The following TCF7L2 variants were observed in gnomAD, a reference collection of about 807,000 sequenced individuals.
The protein encoded by TCF7L2 is transcription factor 7 like 2.
In TCF7L2, 23 loss-of-function variants were observed where a neutral mutation model predicts 77.9. That is an observed-to-expected ratio of 0.30 (90% CI 0.21 to 0.42). TCF7L2 has a LOEUF of 0.42. Ranked by LOEUF, TCF7L2 falls within the 10% of genes least tolerant of loss-of-function variation. TCF7L2 has a pLI of 1.00. For missense variants in TCF7L2, 654 were observed against 793.1 expected (o/e 0.82, Z 2.11); for synonymous variants, 413 against 340.2 (o/e 1.21, Z -2.36).
intron 5 of TCF7L2, among the ~76,000 whole-genome samples, chr10:113,093,107 T>C (rs1162174153): frequency 6.6e-6 from 1 of 152,216 alleles, no homozygotes; most frequent in Non-Finnish European, 1.5e-5. Flanking sequence ...TCTGCTCCAC[T>C]GGGTACCTAC....
In TCF7L2 at chr10:112,950,293, TC is replaced by T. The variant is rs1224481444; in HGVS notation, c.-459del. ...ACTACTCCGTTCCTCCGGATTTCGA[TC>T]CCCCTTTTTCTATCTGTCAATCAGC... On this transcript the variant is annotated 5_prime_UTR_variant, in exon 1 of 14. Coordinates refer to ENST00000627217, the MANE Select transcript of TCF7L2 (RefSeq NM_001146274.2). The T allele has an allele frequency of 4.4e-6, 1 of 226,816 alleles. No individual in the cohort carries two copies. Among genetic ancestry groups the T allele is most frequent in the African/African-American group, 2.3e-5 (1 of 44,156 alleles). 14.1% of individuals were successfully genotyped at this position (226,816 alleles called of 1,614,324 possible). A position where few individuals can be genotyped will look rare whatever the true frequency, so the allele number is the denominator to read the frequency against.
At chr10:112,969,104 T>C (rs2037667935) in intron 4 of TCF7L2, among the ~76,000 whole-genome samples, 1 of 152,168 alleles carries the variant, frequency 6.6e-6, no homozygotes, top group African/African-American at 2.4e-5. Context: ...TCCCCAGAAG[T>C]CTACCTTGTT....
At chr10:113,086,356 A>G (rs576126575) in intron 5 of TCF7L2, among the ~76,000 whole-genome samples, 7 of 152,344 alleles carry the variant, frequency 4.6e-5, no homozygotes, top group African/African-American at 1.7e-4. Context: ...GCATGGTTGC[A>G]TCCAGGGGCC....
chr10:113,059,751 G>T (rs1023859864), intron 5 of TCF7L2, among the ~76,000 whole-genome samples: 1 of 152,134 alleles, frequency 6.6e-6, no homozygotes, highest in South Asian at 2.1e-4. Context: ...CCCAAAGCTG[G>T]CTCGGAAATT....
At chr10:113,134,757 G>T (rs986679621) in intron 5 of TCF7L2, among the ~76,000 whole-genome samples, 1 of 152,220 alleles carries the variant, frequency 6.6e-6, no homozygotes, top group Non-Finnish European at 1.5e-5. Context: ...GGAGTGAATG[G>T]TGTCCCTTCC....
At chr10:112,990,552 C>T (rs1478400389) in intron 4 of TCF7L2, among the ~76,000 whole-genome samples, 1 of 151,776 alleles carries the variant, frequency 6.6e-6, no homozygotes, top group Non-Finnish European at 1.5e-5. Context: ...ACAAACAAAA[C>T]AAAATCTAGC....
At chr10:112,980,589 T>C (rs561669686) in intron 4 of TCF7L2, among the ~76,000 whole-genome samples, 1 of 152,024 alleles carries the variant, frequency 6.6e-6, no homozygotes, top group African/African-American at 2.4e-5. Context: ...TGGTCTTAAG[T>C]CACTAGTTTT....
chr10:113,117,382 T>C (rs989455447), intron 5 of TCF7L2, among the ~76,000 whole-genome samples: 2 of 24,918 alleles, frequency 8.0e-5, no homozygotes, highest in African/African-American at 2.7e-4. Flanking sequence ...TCTCTCTCTC[T>C]CTCTCTCTCT....
rs530723966 is a variant in TCF7L2, at chr10:112,951,230, C to A, written c.213C>A (p.Arg71=). Residue 71 remains arginine (R), a synonymous_variant, in exon 2 of 14, where the codon CGC becomes CGA. Transcript: ENST00000627217. Reference sequence around the variant, plus strand: ...AGGCGGAAAGACGGCCTCCGCCTCGCTCCGAAAGTTTCCGAGACAAATCCC... The same window carrying A: ...AGGCGGAAAGACGGCCTCCGCCTCGATCCGAAAGTTTCCGAGACAAATCCC... The A allele has an allele frequency of 7.0e-6, 11 of 1,580,736 alleles. No homozygotes were observed. The highest frequency in any genetic ancestry group is 6.8e-5 in the South Asian group (6 of 87,738).
intron 4 of TCF7L2, among the ~76,000 whole-genome samples, chr10:112,974,860 G>A (rs2039069729): frequency 6.6e-6 from 1 of 152,142 alleles, no homozygotes; most frequent in South Asian, 2.1e-4. Context: ...TTCTAAATGG[G>A]TTGTGACCAA....
intron 5 of TCF7L2, among the ~76,000 whole-genome samples, chr10:113,121,971 A>G (rs1205836999): frequency 1.3e-5 from 2 of 152,242 alleles, no homozygotes; most frequent in Non-Finnish European, 2.9e-5. Context: ...AACAACAGTA[A>G]CACAATCATT....
intron 4 of TCF7L2, among the ~76,000 whole-genome samples, chr10:112,995,383 GGTT>G (rs1477785371): frequency 6.6e-6 from 1 of 152,196 alleles, no homozygotes; most frequent in African/African-American, 2.4e-5. Context: ...TTCGTTGCTT[GGTT>G]GTTGTTTCTC....
chr10:112,962,181 T>C (rs1478394004), intron 3 of TCF7L2, among the ~76,000 whole-genome samples: 2 of 152,172 alleles, frequency 1.3e-5, no homozygotes, highest in Non-Finnish European at 2.9e-5. Context: ...AGTTATCAGG[T>C]GTCCACTCAA....
At chr10:113,114,021 T>G (rs2063446244) in intron 5 of TCF7L2, among the ~76,000 whole-genome samples, 1 of 152,190 alleles carries the variant, frequency 6.6e-6, no homozygotes, top group Non-Finnish European at 1.5e-5. Flanking sequence ...AAAATCTTAA[T>G]AAGGCCCCCT....
chr10:113,108,026 G>A (rs1193587543), intron 5 of TCF7L2, among the ~76,000 whole-genome samples: 1 of 151,504 alleles, frequency 6.6e-6, no homozygotes, highest in African/African-American at 2.4e-5. Flanking sequence ...TATAATTTAG[G>A]GTCTGTCGGC....
intron 4 of TCF7L2, among the ~76,000 whole-genome samples, chr10:113,032,473 G>T (rs2134099967): frequency 6.6e-6 from 1 of 152,306 alleles, no homozygotes; most frequent in African/African-American, 2.4e-5. Context: ...TTCAGTGTTT[G>T]TCCATAGACT....
At chr10:112,984,581 A>T (rs1270742680) in intron 4 of TCF7L2, among the ~76,000 whole-genome samples, 2 of 152,090 alleles carry the variant, frequency 1.3e-5, no homozygotes, top group Non-Finnish European at 2.9e-5. Context: ...AAAAATTAAT[A>T]CCAACAATAA....
chr10:113,107,983 AG>A (rs1435042846), intron 5 of TCF7L2, among the ~76,000 whole-genome samples: 1 of 152,116 alleles, frequency 6.6e-6, no homozygotes, highest in Non-Finnish European at 1.5e-5. Context: ...GTAAGGAAAG[AG>A]GTGGGCTATT....
chr10:112,970,692 C>G (rs906460474), intron 4 of TCF7L2, among the ~76,000 whole-genome samples: 1 of 152,070 alleles, frequency 6.6e-6, no homozygotes, highest in African/African-American at 2.4e-5. Context: ...TTGACTTTCT[C>G]CCACTTCAGG....
Sources: allele counts gnomAD v4.1 joint callset (sites outside exome capture counted in the v4.1 genomes callset), GRCh38; gene constraint gnomAD v4.1.1; transcripts MANE v1.5; gene names NCBI Gene and HGNC (gene_info 2026-07-23, HGNC 2026-07-21).